Variants in CSMD1 observed in about 807,000 individuals in gnomAD.
The protein encoded by CSMD1 is CUB and sushi domain-containing protein 1.
CSMD1 carries 213 observed loss-of-function variants against 417.5 expected under a neutral mutation model. The ratio of observed to expected loss-of-function variants is 0.51; its 90% CI spans 0.46 to 0.57. The LOEUF (loss-of-function observed/expected upper bound fraction) is 0.57. Among genes scored for constraint, CSMD1 ranks in the 20% least tolerant of loss-of-function variants. The pLI is 0.00. For synonymous variants in CSMD1, 2,862 were observed against 1,736.8 expected (o/e 1.65, Z -16.11); for missense variants, 6,923 against 4,529.7 (o/e 1.53, Z -15.17).
At chr8:4,267,780 T>C (rs1005039341) in intron 3 of CSMD1, among the ~76,000 whole-genome samples, 10 of 152,168 alleles carry the variant, frequency 6.6e-5, no homozygotes, top group Admixed American at 5.2e-4. Context: ...ATATTTTATA[T>C]TGAACAATGG....
At chr8:4,043,287 C>A (rs981007267) in intron 3 of CSMD1, among the ~76,000 whole-genome samples, 7 of 151,772 alleles carry the variant, frequency 4.6e-5, no homozygotes, top group African/African-American at 1.5e-4. Flanking sequence ...CAGAAAGTAC[C>A]CAATCCAACA....
intron 9 of CSMD1, among the ~76,000 whole-genome samples, chr8:3,576,426 C>T (rs997359186): frequency 6.6e-6 from 1 of 152,108 alleles, no homozygotes; most frequent in Non-Finnish European, 1.5e-5. Flanking sequence ...TCTGCATTTA[C>T]CTGTCCCTCC....
At chr8:4,862,541 T>G (rs1585228589) in intron 1 of CSMD1, among the ~76,000 whole-genome samples, 1 of 151,582 alleles carries the variant, frequency 6.6e-6, no homozygotes, top group African/African-American at 2.4e-5. Flanking sequence ...GTAGTGGAGG[T>G]GGTAAGAAGA....
chr8:3,236,379 A>C (rs955295056), intron 26 of CSMD1, among the ~76,000 whole-genome samples: 3 of 152,210 alleles, frequency 2.0e-5, no homozygotes, highest in African/African-American at 7.2e-5. Context: ...TATGAAATAA[A>C]GATGAAAAGT....
At chr8:3,205,806 T>G (rs531441987) in intron 30 of CSMD1, among the ~76,000 whole-genome samples, 186 bp from the exon 31 acceptor site, 12 of 152,268 alleles carry the variant, frequency 7.9e-5, no homozygotes, top group African/African-American at 2.9e-4. Flanking sequence ...AGGGAAGAAG[T>G]AATCCAACTT....
At position 3,424,474 on chromosome 8, in the gene CSMD1, G is replaced by T. The variant is rs532736415; in HGVS notation, c.1562-14869C>A. Among the ~76,000 whole-genome samples the T allele has an allele frequency of 6.6e-5, 10 of 152,290 alleles. No homozygotes were observed. The South Asian group carries it at 1.7e-3, about 25-fold the overall frequency. ...TTATTCACTGTTTGTATGCGAATAT[G>T]TGTAACTTAATGATTGTCCCTTAGG... is the stretch of plus-strand genomic sequence containing the variant. On this transcript the variant is annotated intron_variant, in intron 12 of 69. Transcript: ENST00000635120.
intron 25 of CSMD1, 108 bp downstream of exon 25, chr8:3,307,587 T>C (rs1025847620): frequency 3.3e-5 from 42 of 1,268,998 alleles, no homozygotes; most frequent in Non-Finnish European, 3.8e-5. Flanking sequence ...TTTTCTTCTT[T>C]AGTTCAGAAA....
intron 3 of CSMD1, among the ~76,000 whole-genome samples, chr8:4,331,470 CT>C (rs1374302283): frequency 1.3e-5 from 2 of 152,082 alleles, no homozygotes; most frequent in Non-Finnish European, 2.9e-5. Flanking sequence ...TGCCAGCCTT[CT>C]TTTGGGTTTT....
At chr8:3,157,528 T>C (rs1487342026) in intron 39 of CSMD1, among the ~76,000 whole-genome samples, 2 of 152,206 alleles carry the variant, frequency 1.3e-5, no homozygotes, top group Non-Finnish European at 2.9e-5. Flanking sequence ...ACTTGTTTTT[T>C]CTGAGGCTAA....
chr8:3,777,851 T>C (rs999602984), intron 5 of CSMD1, among the ~76,000 whole-genome samples: 2 of 149,098 alleles, frequency 1.3e-5, no homozygotes, highest in Admixed American at 1.3e-4. Flanking sequence ...AAGTGCAGAG[T>C]CTCAGTTCCC....
chr8:3,647,304 C>A (rs1430713296), intron 7 of CSMD1, among the ~76,000 whole-genome samples: 1 of 152,050 alleles, frequency 6.6e-6, no homozygotes, highest in Non-Finnish European at 1.5e-5. Context: ...CATGTGTGAG[C>A]CTGGGTTGTA....
chr8:4,547,678 T>C (rs1200577806), intron 2 of CSMD1, among the ~76,000 whole-genome samples: 4 of 152,204 alleles, frequency 2.6e-5, no homozygotes, highest in Non-Finnish European at 5.9e-5. Flanking sequence ...GAGTTCTGTA[T>C]GAGAAATGGT....
In CSMD1 at chr8:4,188,042, T is replaced by C. The variant is rs868023132; in HGVS notation, c.416-155943A>G. Among the ~76,000 whole-genome samples, 90 of 152,240 alleles carry C rather than the reference T, an allele frequency of 5.9e-4. 1 individual carries two copies. The highest frequency in any genetic ancestry group is 2.0e-3 in the African/African-American group (83 of 41,518). On this transcript the variant is annotated intron_variant, in intron 3 of 69. Transcript: ENST00000635120. The stretch of plus-strand genomic sequence containing the variant: ...AAAAAAGACCTAAGACAGTGCAAAC[T>C]TCGTCCTAGTCATAGGTGATTTAAA...
At chr8:3,175,303 CTCT>C (rs1820839955) in intron 37 of CSMD1, among the ~76,000 whole-genome samples, 1 of 152,128 alleles carries the variant, frequency 6.6e-6, no homozygotes. Flanking sequence ...TTCCAATTAC[CTCT>C]TTTTTCCTCA....
chr8:3,054,723 A>T lies in CSMD1; in HGVS notation c.7475-2076T>A, dbSNP rs558817464. 2.6e-5 allele frequency among the ~76,000 whole-genome samples: 4 copies of T among 152,336 alleles called. No homozygotes were observed. The East Asian group carries it at 5.8e-4, about 22-fold the overall frequency. Reference sequence around the variant, plus strand: ...TGTGTACGTGTGTGTACATGTGTGTAGTACATGTGTGTATGGCATACTACA... The same window carrying T: ...TGTGTACGTGTGTGTACATGTGTGTTGTACATGTGTGTATGGCATACTACA... On this transcript the variant is annotated intron_variant, in intron 49 of 69. Coordinates refer to ENST00000635120, the MANE Select transcript of CSMD1 (RefSeq NM_033225.6).
intron 3 of CSMD1, among the ~76,000 whole-genome samples, chr8:4,278,252 T>G (rs1479258430): frequency 6.6e-6 from 1 of 152,138 alleles, no homozygotes; most frequent in Non-Finnish European, 1.5e-5. Context: ...TGATTAAAAT[T>G]CAGTTTAATT....
intron 3 of CSMD1, among the ~76,000 whole-genome samples, chr8:4,098,630 C>A (rs868230963): frequency 1.3e-5 from 2 of 151,886 alleles, no homozygotes; most frequent in African/African-American, 2.4e-5. Flanking sequence ...AGTGAAATAC[C>A]CCATTTCTAC....
chr8:3,359,253 G>C lies in CSMD1; in HGVS notation c.3203C>G (p.Thr1068Arg). The C allele has an allele frequency of 3.7e-6, 6 of 1,613,820 alleles. No individual in the cohort carries two copies. Among genetic ancestry groups the C allele is most frequent in the Non-Finnish European group, 5.1e-6 (6 of 1,179,824 alleles). Residue 1068 changes from threonine (T) to arginine (R), a missense_variant, in exon 21 of 70, where the codon ACG (threonine) becomes AGG (arginine). Thr to Arg is a moderately conservative substitution (Grantham distance 71, BLOSUM62 -1). Coordinates refer to ENST00000635120, the MANE Select transcript of CSMD1 (RefSeq NM_033225.6). ...GFHFGVGDSL[T>R]FSCFLGYRLE... is the part of the protein sequence containing the mutation. ...ACGATATCCCAGGAAGCAGGAAAAC[G>C]TCAGAGAGTCTCCCACACCAAAGTG...
chr8:4,060,788 G>A (rs543112480), intron 3 of CSMD1, among the ~76,000 whole-genome samples: 3 of 151,936 alleles, frequency 2.0e-5, no homozygotes, highest in South Asian at 2.1e-4. Flanking sequence ...AGGACCCTGA[G>A]ATTAAAAAAA....
Sources: allele counts gnomAD v4.1 joint callset (sites outside exome capture counted in the v4.1 genomes callset), GRCh38; gene constraint gnomAD v4.1.1; transcripts MANE v1.5; gene names NCBI Gene and HGNC (gene_info 2026-07-23, HGNC 2026-07-21).